Variants in PLCE1 observed in about 807,000 individuals in gnomAD.
PLCE1 encodes the protein 1-phosphatidylinositol 4,5-bisphosphate phosphodiesterase epsilon-1.
In PLCE1, 119 loss-of-function variants were observed where a neutral mutation model predicts 242.8. That is an observed-to-expected ratio of 0.49 (90% CI 0.42 to 0.57). The LOEUF (loss-of-function observed/expected upper bound fraction) is 0.57. Among genes scored for constraint, PLCE1 ranks in the 20% least tolerant of loss-of-function variants. The pLI, the probability that PLCE1 is intolerant of heterozygous loss-of-function variation, is 0.00. For synonymous variants in PLCE1, 945 were observed against 1,017.4 expected (o/e 0.93, Z 1.35); for missense variants, 2,441 against 2,788.8 (o/e 0.88, Z 2.81).
rs144215486 is a variant in PLCE1 at position 94,085,631 on chromosome 10, T to C, written c.1207-46543T>C. ...GTAGAAACATTCCCCAGCGGTTGCCTGACTTCCAGGGCTGGCACTAAAGGG... is the reference window on the plus strand; with the variant it reads ...GTAGAAACATTCCCCAGCGGTTGCCCGACTTCCAGGGCTGGCACTAAAGGG... On this transcript the variant is annotated intron_variant, in intron 2 of 32. Transcript: ENST00000371380. Among the ~76,000 whole-genome samples the C allele has an allele frequency of 4.6e-5, 7 of 152,316 alleles. No homozygotes were observed. In the East Asian group the frequency reaches 1.2e-3, roughly 25 times the overall value.
chr10:94,002,737 A>G (rs1336325387), intron 1 of PLCE1, among the ~76,000 whole-genome samples: 3 of 152,206 alleles, frequency 2.0e-5, no homozygotes, highest in Non-Finnish European at 4.4e-5. Context: ...CCGGTCTCCT[A>G]AGAGACTCAT....
intron 4 of PLCE1, among the ~76,000 whole-genome samples, chr10:94,181,164 G>A (rs531165988): frequency 6.6e-5 from 10 of 152,282 alleles, no homozygotes; most frequent in South Asian, 2.1e-4. Context: ...ACTGATCAGC[G>A]GAATGAAGAC....
rs1419609916 is a variant in PLCE1 at position 94,171,077 on chromosome 10, T to C, written c.1493-103T>C. ...ACAGAACTCTTCACTAAGCAGAGGA[T>C]TTGGTTAAAGAACATACAAGATTTG... On this transcript the variant is annotated intron_variant, in intron 3 of 32. Coordinates refer to ENST00000371380, the MANE Select transcript of PLCE1 (RefSeq NM_016341.4). The C allele has an allele frequency of 1.9e-5, 18 of 964,046 alleles. No individual in the cohort carries two copies. The Admixed American group carries it at 2.4e-4, about 13-fold the overall frequency. 59.7% of individuals were successfully genotyped at this position (964,046 alleles called of 1,614,324 possible). A position where few individuals can be genotyped will look rare whatever the true frequency, so the allele number is the denominator to read the frequency against.
intron 2 of PLCE1, among the ~76,000 whole-genome samples, chr10:94,043,802 G>A (rs1452505716): frequency 6.6e-6 from 1 of 152,210 alleles, no homozygotes; most frequent in Non-Finnish European, 1.5e-5. Flanking sequence ...GCAGTGTAAT[G>A]ATGGTATGAC....
intron 2 of PLCE1, among the ~76,000 whole-genome samples, chr10:94,076,132 C>CGTGT (rs747481933): frequency 1.5e-3 from 218 of 147,112 alleles, no homozygotes; most frequent in African/African-American, 4.9e-3. Context: ...TGTGTGCGTG[C>CGTGT]GTGTGTGTGT....
intron 4 of PLCE1, among the ~76,000 whole-genome samples, chr10:94,186,115 G>A (rs1294773610): frequency 6.6e-6 from 1 of 152,140 alleles, no homozygotes; most frequent in Non-Finnish European, 1.5e-5. Flanking sequence ...TCTTCCTTTG[G>A]TTTGGTTCTC....
chr10:94,131,793 G>GAGAC (rs1281850230), intron 2 of PLCE1, among the ~76,000 whole-genome samples: 1 of 152,222 alleles, frequency 6.6e-6, no homozygotes, highest in Non-Finnish European at 1.5e-5. Context: ...TCCATGGAGG[G>GAGAC]AGACAGACCT....
At chr10:94,218,664 C>G (rs1477750521) in intron 4 of PLCE1, among the ~76,000 whole-genome samples, 2 of 151,872 alleles carry the variant, frequency 1.3e-5, no homozygotes, top group Admixed American at 1.3e-4. Context: ...CTGCTCCCAC[C>G]CTCATGCCTA....
intron 4 of PLCE1, among the ~76,000 whole-genome samples, chr10:94,180,401 A>G (rs1015211854): frequency 3.9e-5 from 6 of 152,156 alleles, no homozygotes; most frequent in African/African-American, 1.4e-4. Flanking sequence ...ATATTAGAGC[A>G]TGGGGGATAA....
chr10:94,019,018 G>T (rs2134349561), intron 1 of PLCE1, among the ~76,000 whole-genome samples: 1 of 152,236 alleles, frequency 6.6e-6, no homozygotes, highest in African/African-American at 2.4e-5. Context: ...ACTCTGGAGA[G>T]GTTTTTATAA....
At chr10:94,300,517 T>G (rs769865316) in intron 24 of PLCE1, among the ~76,000 whole-genome samples, 27 of 152,202 alleles carry the variant, frequency 1.8e-4, no homozygotes, top group Non-Finnish European at 2.6e-4. Context: ...CATCTCCCCA[T>G]GTTGGACAAA....
intron 30 of PLCE1, 117 bp from the exon 31 acceptor site, chr10:94,324,232 G>C: frequency 2.4e-6 from 2 of 820,254 alleles, no homozygotes; most frequent in Admixed American, 3.4e-5. Context: ...AAATGATCTG[G>C]AAGATCCCCT....
chr10:94,212,244 A>G (rs2049360600), intron 4 of PLCE1, among the ~76,000 whole-genome samples: 1 of 151,792 alleles, frequency 6.6e-6, no homozygotes, highest in Non-Finnish European at 1.5e-5. Flanking sequence ...ATGCCACCAC[A>G]CCTGGCTAAT....
chr10:94,009,471 A>C (rs2061124003), intron 1 of PLCE1, among the ~76,000 whole-genome samples: 1 of 152,128 alleles, frequency 6.6e-6, no homozygotes, highest in African/African-American at 2.4e-5. Flanking sequence ...GGCCCCCTAA[A>C]TCTCATGTTC....
intron 2 of PLCE1, among the ~76,000 whole-genome samples, chr10:94,098,120 G>T (rs1000436107): frequency 6.6e-6 from 1 of 152,222 alleles, no homozygotes; most frequent in Non-Finnish European, 1.5e-5. Context: ...CCCTTAGGAA[G>T]AGAATGACTT....
At position 94,124,707 on chromosome 10, in the gene PLCE1, C is replaced by T. The variant is rs559177826; in HGVS notation, c.1207-7467C>T. Among the ~76,000 whole-genome samples, 327 of 152,224 alleles carry T rather than the reference C, an allele frequency of 2.1e-3. 1 individual carries two copies. The highest frequency in any genetic ancestry group is 6.1e-3 in the Admixed American group (94 of 15,290). The stretch of plus-strand genomic sequence containing the variant: ...TTAAATTGATTTAGCAGAGTCAATA[C>T]ATTAATCCGTATCTTGGTTTCTTTT... On this transcript the variant is annotated intron_variant, in intron 2 of 32. Coordinates refer to ENST00000371380, the MANE Select transcript of PLCE1 (RefSeq NM_016341.4).
Position 94,056,566 on chromosome 10 carries a change from AT to A in PLCE1, c.1206+24321del, listed in dbSNP as rs1466941607. Among the ~76,000 whole-genome samples, 5 of 152,026 alleles carry A rather than the reference AT, an allele frequency of 3.3e-5. 1 individual carries two copies. Among genetic ancestry groups the A allele is most frequent in the Admixed American group, 2.0e-4 (3 of 15,258 alleles). On this transcript the variant is annotated intron_variant, in intron 2 of 32. Transcript: ENST00000371380. ...TTCAATTTTCATTTTATGCATATAT[AT>A]TTTTTTCCCACAAAATTTGAGTCTT...
At chr10:94,114,244 C>T (rs546416744) in intron 2 of PLCE1, among the ~76,000 whole-genome samples, 1 of 152,200 alleles carries the variant, frequency 6.6e-6, no homozygotes, top group South Asian at 2.1e-4. Context: ...AGTCTATTGT[C>T]CCCTGACCTC....
intron 2 of PLCE1, among the ~76,000 whole-genome samples, chr10:94,083,566 C>G (rs1022935002): frequency 2.6e-5 from 4 of 152,224 alleles, no homozygotes; most frequent in Non-Finnish European, 5.9e-5. Flanking sequence ...ATTTGCCCTG[C>G]TGTGCAGCCC....
Sources: gnomAD v4.1 joint callset for allele counts (sites outside exome capture counted in the v4.1 genomes callset) on GRCh38, gnomAD v4.1.1 for gene constraint, MANE v1.5 for transcripts, NCBI Gene and HGNC (gene_info 2026-07-23, HGNC 2026-07-21) for gene names.